Variants in GALNT8 observed in about 807,000 individuals in gnomAD.
GALNT8 encodes probable polypeptide N-acetylgalactosaminyltransferase 8.
Under a neutral mutation model 62.7 loss-of-function variants are expected in GALNT8, and 66 were observed. The observed-to-expected ratio is 1.05, with a 90% confidence interval of 0.86 to 1.29. GALNT8 has a LOEUF of 1.29. GALNT8 is among the 50% of genes most tolerant of loss of function. GALNT8 has a pLI of 0.00. For missense variants in GALNT8, 771 were observed against 791.8 expected (o/e 0.97, Z 0.32); for synonymous variants, 288 against 294.3 (o/e 0.98, Z 0.22).
chr12:4,728,448 G>A (rs1029269937), intron 2 of GALNT8, among the ~76,000 whole-genome samples: 1 of 152,066 alleles, frequency 6.6e-6, no homozygotes, highest in African/African-American at 2.4e-5. Context: ...TTGGTACAAG[G>A]TCGCAAAGGT....
intron 10 of GALNT8, among the ~76,000 whole-genome samples, chr12:4,767,740 A>G (rs767147706): frequency 2.0e-5 from 3 of 152,352 alleles, no homozygotes; most frequent in East Asian, 1.9e-4. Context: ...GGCCTTAATC[A>G]TATCTTTTTT....
intron 6 of GALNT8, among the ~76,000 whole-genome samples, chr12:4,753,600 G>A (rs978960636): frequency 3.9e-5 from 6 of 152,180 alleles, no homozygotes; most frequent in Middle Eastern, 3.4e-3. Context: ...GAATTTCTTT[G>A]AGTTTCCTCA....
chr12:4,756,345 G>GC (rs1946344873), intron 6 of GALNT8, among the ~76,000 whole-genome samples: 1 of 152,194 alleles, frequency 6.6e-6, no homozygotes, highest in South Asian at 2.1e-4. Flanking sequence ...TCAAAATCCT[G>GC]CTTTGCCTCT....
chr12:4,730,597 G>A (rs1946217332), intron 2 of GALNT8, among the ~76,000 whole-genome samples: 1 of 152,090 alleles, frequency 6.6e-6, no homozygotes, highest in Admixed American at 6.5e-5. Flanking sequence ...GTATCATGCT[G>A]TTTTGATTAC....
chr12:4,760,906 A>G (rs150653153), intron 6 of GALNT8, 52 bp from the exon 7 acceptor site: 158 of 1,459,638 alleles, frequency 1.1e-4, no homozygotes, highest in Non-Finnish European at 1.5e-4. Context: ...TCAATAAGCT[A>G]TGCAATTCAT....
At chr12:4,741,454 C>A (rs1432754673) in intron 3 of GALNT8, among the ~76,000 whole-genome samples, 1 of 152,150 alleles carries the variant, frequency 6.6e-6, no homozygotes, top group African/African-American at 2.4e-5. Flanking sequence ...TCTGAAAACA[C>A]TCTGGCTCTG....
In GALNT8 at chr12:4,742,505, CTTAA is replaced by C. The variant is rs572853239; in HGVS notation, c.677-2006_677-2003del. 3.9e-5 allele frequency among the ~76,000 whole-genome samples: 6 copies of C among 152,282 alleles called. No homozygotes were observed. The South Asian group carries it at 1.2e-3, about 32-fold the overall frequency. On this transcript the variant is annotated intron_variant, in intron 3 of 10. Transcript: ENST00000252318. ...GATGTCAGAGAGTTCAAGTTTCCTT[CTTAA>C]TTAATGAGGCAAGACACATCTGTGG... is the stretch of plus-strand genomic sequence containing the variant.
intron 1 of GALNT8, among the ~76,000 whole-genome samples, chr12:4,721,492 G>C (rs1315573864): frequency 6.6e-6 from 1 of 152,106 alleles, no homozygotes; most frequent in Non-Finnish European, 1.5e-5. Flanking sequence ...ATAAACACGT[G>C]AACAAAGGTC....
chr12:4,763,936 G>C lies in GALNT8; in HGVS notation c.1498-16G>C, dbSNP rs573856345. 2.4e-5 allele frequency: 32 copies of C among 1,349,450 alleles called. No homozygotes were observed. The South Asian group carries it at 3.5e-4, about 15-fold the overall frequency. The allele number at this position is 1,349,450 out of a possible 1,614,324, so 83.6% of individuals were successfully genotyped here. ...GTCCTTTCTAACAGTGTTGCCGTGT[G>C]TTTTGTCCCCTTCAGATGAAAAACC... On this transcript the variant is annotated splice_polypyrimidine_tract_variant and intron_variant, in intron 8 of 10. Transcript: ENST00000252318.
intron 2 of GALNT8, among the ~76,000 whole-genome samples, chr12:4,733,257 C>T (rs543321310): frequency 6.6e-6 from 1 of 152,302 alleles, no homozygotes; most frequent in South Asian, 2.1e-4. Flanking sequence ...TAAAACATTT[C>T]GTCATTGCAG....
At chr12:4,747,104 A>G (rs1946303307) in intron 6 of GALNT8, among the ~76,000 whole-genome samples, 1 of 152,184 alleles carries the variant, frequency 6.6e-6, no homozygotes. Context: ...TTGCAGGTGT[A>G]TATATTTAGG....
chr12:4,765,495 A>G lies in GALNT8; in HGVS notation c.1710A>G (p.Pro570=), dbSNP rs770220677. Residue 570 remains proline, a synonymous_variant, in exon 10 of 11, where the codon CCA becomes CCG. Coordinates refer to ENST00000252318, the MANE Select transcript of GALNT8 (RefSeq NM_017417.2). ...PGKAEKPTLE[P]CSKAAKNRLH... is the part of the protein sequence containing the mutation. ...AGGCGGAGAAGCCCACCTTAGAACCATGCTCCAAGGCAGCTAAGAATAGAC... is the reference window on the plus strand; with the variant it reads ...AGGCGGAGAAGCCCACCTTAGAACCGTGCTCCAAGGCAGCTAAGAATAGAC... 21 of 1,612,138 alleles carry G rather than the reference A, an allele frequency of 1.3e-5. No individual in the cohort carries two copies. The Admixed American group carries it at 3.5e-4, about 27-fold the overall frequency.
rs113967686 is a variant in GALNT8 at position 4,732,280 on chromosome 12, C to T, written c.509+5451C>T. 2.9e-3 allele frequency among the ~76,000 whole-genome samples: 437 copies of T among 152,306 alleles called. 2 individuals carry two copies. The highest frequency in any genetic ancestry group is 3.9e-3 in the Non-Finnish European group (268 of 68,028). ...TCCAGCTGTAGCACATAGAACTTAC[C>T]TTATGTCCTTAAGCCATTGTTCTCT... is the stretch of plus-strand genomic sequence containing the variant. On this transcript the variant is annotated intron_variant, in intron 2 of 10. Coordinates refer to ENST00000252318, the MANE Select transcript of GALNT8 (RefSeq NM_017417.2).
At chr12:4,746,873 A>G (rs766924293) in intron 6 of GALNT8, among the ~76,000 whole-genome samples, 1 of 152,154 alleles carries the variant, frequency 6.6e-6, no homozygotes, top group Admixed American at 6.5e-5. Context: ...AGCCTGGGCA[A>G]CATGGTGAAA....
chr12:4,757,786 G>A (rs1435742973), intron 6 of GALNT8, among the ~76,000 whole-genome samples: 1 of 152,038 alleles, frequency 6.6e-6, no homozygotes, highest in Admixed American at 6.6e-5. Context: ...AATAGACACT[G>A]GGAGTACAGG....
intron 5 of GALNT8, 89 bp downstream of exon 5, chr12:4,745,715 A>T: frequency 1.6e-5 from 15 of 933,658 alleles, no homozygotes; most frequent in Non-Finnish European, 2.4e-5. Flanking sequence ...GGTGGTAGTA[A>T]TTGGGGTGAC....
At chr12:4,739,110 A>T in intron 2 of GALNT8, 53 bp from the exon 3 acceptor site, 1 of 1,057,820 alleles carries the variant, frequency 9.5e-7, no homozygotes. Flanking sequence ...ATTGGATAGC[A>T]GTGTTGAAGT....
chr12:4,721,329 G>A (rs1280828877), intron 1 of GALNT8, among the ~76,000 whole-genome samples: 1 of 152,102 alleles, frequency 6.6e-6, no homozygotes, highest in Non-Finnish European at 1.5e-5. Flanking sequence ...AGTATGTAGA[G>A]AGAAATAAGG....
In GALNT8 at chr12:4,726,593, G is replaced by T; in HGVS notation, c.273G>T (p.Ala91=). 1 of 1,613,414 alleles carries T rather than the reference G, an allele frequency of 6.2e-7. No homozygotes were observed. The highest frequency in any genetic ancestry group is 1.6e-4 in the Middle Eastern group (1 of 6,062). Residue 91 remains alanine, a synonymous_variant, in exon 2 of 11, where the codon GCG becomes GCT. Transcript: ENST00000252318. This position sits in a 1 kb window ranked among gnomAD's most constrained non-coding sequence, Gnocchi z 4.1. ...QENVNSTLKR[A]KDEVRPLLKA... ...ATGTGAACAGCACACTGAAGAGGGC[G>T]AAAGATGAAGTACGCCCTCTTCTAA...
Sources: gnomAD v4.1 joint callset for allele counts (sites outside exome capture counted in the v4.1 genomes callset) on GRCh38, gnomAD v4.1.1 for gene constraint, Gnocchi (gnomAD v3.1) non-coding constraint, MANE v1.5 for transcripts, NCBI Gene and HGNC (gene_info 2026-07-23, HGNC 2026-07-21) for gene names.